The following SGK1 variants were observed in gnomAD, a reference collection of about 807,000 sequenced individuals.
The protein encoded by SGK1 is serine/threonine-protein kinase Sgk1.
In SGK1, 26 loss-of-function variants were observed where a neutral mutation model predicts 64.2. That is an observed-to-expected ratio of 0.40 (90% CI 0.30 to 0.56). The LOEUF (loss-of-function observed/expected upper bound fraction) is 0.56, where lower values mean the gene tolerates loss of function less well. SGK1 is among the 20% of genes least tolerant of loss of function. SGK1 has a pLI of 0.38. For synonymous variants in SGK1, 265 were observed against 239.7 expected, an observed-to-expected ratio of 1.11 and a Z score of -0.98; for missense variants, 519 against 645.6, an observed-to-expected ratio of 0.80 and a Z score of 2.12.
At chr6:134,246,654 G>A (rs957598508) in intron 2 of SGK1, among the ~76,000 whole-genome samples, 1 of 151,898 alleles carries the variant, frequency 6.6e-6, no homozygotes, top group Non-Finnish European at 1.5e-5. Flanking sequence ...GTGCAGTGGT[G>A]TGATCTCGGC....
At chr6:134,283,647 A>G (rs927199740) in intron 1 of SGK1, among the ~76,000 whole-genome samples, 4 of 151,934 alleles carry the variant, frequency 2.6e-5, no homozygotes, top group Non-Finnish European at 5.9e-5. Context: ...TGGGAGTTTG[A>G]GATCAGCTTG....
intron 1 of SGK1, among the ~76,000 whole-genome samples, chr6:134,294,775 C>A (rs942475859): frequency 6.6e-6 from 1 of 152,040 alleles, no homozygotes; most frequent in Non-Finnish European, 1.5e-5. Context: ...TGATCCTCCC[C>A]CCTTGGCCTC....
At chr6:134,226,096 G>A (rs1776172325) in intron 2 of SGK1, among the ~76,000 whole-genome samples, 1 of 151,806 alleles carries the variant, frequency 6.6e-6, no homozygotes, top group African/African-American at 2.4e-5. Flanking sequence ...CTCTAGCCTG[G>A]GTGACAGAGC....
chr6:134,197,691 T>C (rs1052849334), intron 3 of SGK1, among the ~76,000 whole-genome samples: 3 of 151,884 alleles, frequency 2.0e-5, no homozygotes, highest in Non-Finnish European at 4.4e-5. Flanking sequence ...CCAGGCATGG[T>C]GGCGGATGCC....
chr6:134,170,981 C>T, intron 12 of SGK1, 42 bp downstream of exon 12: 2 of 1,611,860 alleles, frequency 1.2e-6, no homozygotes, highest in Non-Finnish European at 1.7e-6. Flanking sequence ...AGGTCTAGTG[C>T]ACGTCCCGGC....
intron 1 of SGK1, among the ~76,000 whole-genome samples, chr6:134,271,062 G>A (rs1405509029): frequency 6.8e-6 from 1 of 146,612 alleles, no homozygotes; most frequent in Non-Finnish European, 1.5e-5. Flanking sequence ...CATGCCTGTC[G>A]TCCCAGTGCT....
intron 3 of SGK1, among the ~76,000 whole-genome samples, chr6:134,182,058 A>C (rs995423165): frequency 6.6e-6 from 1 of 151,840 alleles, no homozygotes; most frequent in Non-Finnish European, 1.5e-5. Context: ...GGGTTTTACC[A>C]TGTTGGTCAG....
At chr6:134,302,547 G>T (rs550281656) in intron 1 of SGK1, among the ~76,000 whole-genome samples, 2 of 152,102 alleles carry the variant, frequency 1.3e-5, no homozygotes, top group Non-Finnish European at 2.9e-5. Context: ...TCTTCAGACC[G>T]ACTCATCAGT....
intron 1 of SGK1, 40 bp from the exon 2 acceptor site, chr6:134,262,188 A>G: frequency 7.0e-7 from 1 of 1,423,184 alleles, no homozygotes. Context: ...AATGTGTTTG[A>G]CTCCCTTTGA....
In SGK1 at chr6:134,214,579, CAAA is replaced by C. The variant is rs10580443; in HGVS notation, c.286-7151_286-7149del. Among the ~76,000 whole-genome samples, 589 of 146,334 alleles carry C rather than the reference CAAA, an allele frequency of 4.0e-3. 5 individuals carry two copies. Among genetic ancestry groups the C allele is most frequent in the African/African-American group, 0.013 (498 of 39,424 alleles). ...TGGGTGACAGAGGGATACGCTGTCT[CAAA>C]AAAAAAAAAAATTAATGAAAGTAAT... On this transcript the variant is annotated intron_variant, in intron 2 of 13. Coordinates refer to ENST00000367858, the MANE Select transcript of SGK1 (RefSeq NM_001143676.3).
rs1337280566 is a variant in SGK1, at chr6:134,169,599, T to C, written c.*669A>G. On this transcript the variant is annotated 3_prime_UTR_variant, in exon 14 of 14. Coordinates refer to ENST00000367858, the MANE Select transcript of SGK1 (RefSeq NM_001143676.3). ...AAACCCTTTCTAAAAATAGAAATATTTGTAGCAGCAATGCTTTCTTTAAGC... is the reference window on the plus strand; with the variant it reads ...AAACCCTTTCTAAAAATAGAAATATCTGTAGCAGCAATGCTTTCTTTAAGC... 3 of 152,638 alleles carry C rather than the reference T, an allele frequency of 2.0e-5. No homozygotes were observed. Among genetic ancestry groups the C allele is most frequent in the Admixed American group, 6.5e-5 (1 of 15,280 alleles). 9.5% of individuals were successfully genotyped at this position (152,638 alleles called of 1,614,324 possible).
Position 134,299,319 on chromosome 6 carries a change from T to C in SGK1, c.69+18073A>G, listed in dbSNP as rs981476148. On this transcript the variant is annotated intron_variant, in intron 1 of 13. Transcript: ENST00000367858. The stretch of plus-strand genomic sequence containing the variant: ...GGTCGAGGATGCAGTGAGCTGTGAT[T>C]GTGCCACTGCCTTCTAGTCTCGGCA... 5.9e-5 allele frequency among the ~76,000 whole-genome samples: 9 copies of C among 152,244 alleles called. No homozygotes were observed. In the South Asian group the frequency reaches 1.9e-3, roughly 32 times the overall value.
At chr6:134,172,595 T>C in intron 9 of SGK1, 67 bp downstream of exon 9, 6 of 1,054,890 alleles carry the variant, frequency 5.7e-6, no homozygotes, top group Non-Finnish European at 7.2e-6. Context: ...TTTAAGGCCC[T>C]ATGAAACAGC....
At chr6:134,205,917 CCTTTT>C (rs1226418132) in intron 3 of SGK1, among the ~76,000 whole-genome samples, 3 of 152,120 alleles carry the variant, frequency 2.0e-5, no homozygotes, top group Non-Finnish European at 4.4e-5. Flanking sequence ...CTTCACCTTC[CCTTTT>C]ATTTCTAGTG....
chr6:134,175,454 C>A, intron 3 of SGK1: 1 of 1,320,428 alleles, frequency 7.6e-7, no homozygotes, highest in Non-Finnish European at 9.7e-7. Context: ...GGACCCCGGC[C>A]CCGAGAACTC....
At chr6:134,197,126 G>C (rs1428685688) in intron 3 of SGK1, among the ~76,000 whole-genome samples, 1 of 152,090 alleles carries the variant, frequency 6.6e-6, no homozygotes, top group Non-Finnish European at 1.5e-5. Context: ...CCAGCTACTT[G>C]GGGGGCTGAG....
At chr6:134,291,394 A>C (rs1050229353) in intron 1 of SGK1, among the ~76,000 whole-genome samples, 1 of 152,212 alleles carries the variant, frequency 6.6e-6, no homozygotes, top group East Asian at 1.9e-4. Flanking sequence ...AGCAAACCCA[A>C]ACTAAGTTGT....
chr6:134,210,896 G>A (rs1408996903), intron 2 of SGK1, among the ~76,000 whole-genome samples: 3 of 151,642 alleles, frequency 2.0e-5, no homozygotes, highest in African/African-American at 7.3e-5. Context: ...AGACTGAGGC[G>A]GGTGGGTCGC....
chr6:134,173,756 A>G (rs1021998822), intron 5 of SGK1, 190 bp from the exon 6 acceptor site: 68 of 600,272 alleles, frequency 1.1e-4, no homozygotes, highest in Non-Finnish European at 1.6e-4. Flanking sequence ...ATGTTGTTTC[A>G]GACAGATAAA....
Sources: gnomAD v4.1 joint callset for allele counts (sites outside exome capture counted in the v4.1 genomes callset) on GRCh38, gnomAD v4.1.1 for gene constraint, MANE v1.5 for transcripts, NCBI Gene and HGNC (gene_info 2026-07-23, HGNC 2026-07-21) for gene names.